Variants in ZNF398 observed in about 807,000 individuals in gnomAD.
The protein encoded by ZNF398 is zinc finger DNA binding protein ZER6.
ZNF398 carries 18 observed loss-of-function variants against 41.9 expected under a neutral mutation model. The ratio of observed to expected loss-of-function variants is 0.43; its 90% confidence interval spans 0.30 to 0.64. The LOEUF (loss-of-function observed/expected upper bound fraction) is 0.64, where lower values mean the gene tolerates loss of function less well. ZNF398 is among the 30% of genes least tolerant of loss of function. ZNF398 has a pLI of 0.14. For synonymous variants in ZNF398, 260 were observed against 308.8 expected (o/e 0.84, Z 1.66); for missense variants, 669 against 822.8 (o/e 0.81, Z 2.29).
Position 149,154,027 on chromosome 7 carries a change from T to G in ZNF398, c.107T>G (p.Leu36Arg), listed in dbSNP as rs762927049. The G allele has an allele frequency of 1.4e-5, 22 of 1,614,042 alleles. No individual in the cohort carries two copies. Among genetic ancestry groups the G allele is most frequent in the Non-Finnish European group, 1.8e-5 (21 of 1,180,034 alleles). ...PTPPAANEAH[L>R]QTAAISLWTV... is the part of the protein sequence containing the mutation. ...CCCCCAGCAGCAAATGAGGCACACC[T>G]GCAGACAGCAGCTATCTCTCTGTGG... is the stretch of plus-strand genomic sequence containing the variant. Residue 36 changes from leucine to arginine, a missense_variant, in exon 2 of 6, where the codon CTG (leucine) becomes CGG (arginine). Transcript: ENST00000475153.
At chr7:149,128,117 G>T (rs1027000727) in intron 1 of ZNF398, among the ~76,000 whole-genome samples, 1 of 152,170 alleles carries the variant, frequency 6.6e-6, no homozygotes, top group Non-Finnish European at 1.5e-5. Context: ...GAGTGAGGAA[G>T]GCCAAGGTAC....
chr7:149,166,426 T>G lies in ZNF398; in HGVS notation c.547+142T>G, dbSNP rs1484537160. On this transcript the variant is annotated intron_variant, in intron 3 of 5. Coordinates refer to ENST00000475153, the MANE Select transcript of ZNF398 (RefSeq NM_170686.3). ...GGTTTCAAGCCAAAATATGACCAAT[T>G]AATGCTTGCTAACTAGGAATCATAA... 6 of 956,690 alleles carry G rather than the reference T, an allele frequency of 6.3e-6. No individual in the cohort carries two copies. The Admixed American group carries it at 1.7e-4, about 27-fold the overall frequency. 59.3% of individuals were successfully genotyped at this position (956,690 alleles called of 1,614,324 possible).
chr7:149,162,242 C>T (rs145396597), intron 2 of ZNF398, among the ~76,000 whole-genome samples: 6,794 of 151,740 alleles, frequency 0.045, 224 homozygotes, highest in Non-Finnish European at 0.068. Flanking sequence ...AGTGCAGTGG[C>T]GCAGTCTCGG....
In ZNF398 at chr7:149,179,211, A is replaced by C; in HGVS notation, c.1339A>C (p.Arg447=). Reference sequence around the variant, plus strand: ...CCAGGCTCGACTCACCAGCCACCGGAGAGCTCATGCAAGCGAAAGGCCCTT... The same window carrying C: ...CCAGGCTCGACTCACCAGCCACCGGCGAGCTCATGCAAGCGAAAGGCCCTT... The part of the protein sequence containing the change: ...ADQARLTSHR[R]AHASERPFRC... The change falls in exon 6 of 6, where the codon AGA becomes CGA. Residue 447 remains arginine, a synonymous_variant. Coordinates refer to ENST00000475153, the MANE Select transcript of ZNF398 (RefSeq NM_170686.3). This position sits in a 1 kb window ranked among gnomAD's most constrained non-coding sequence, Gnocchi z 6.1. The C allele has an allele frequency of 6.2e-7, 1 of 1,612,984 alleles. No homozygotes were observed. The highest frequency in any genetic ancestry group is 1.1e-5 in the South Asian group (1 of 91,024).
chr7:149,180,558 T>TA lies in ZNF398; in HGVS notation c.*764dup, dbSNP rs1395412139. ...CAGAAATCTTTGCCAAGGTCCTGGT[T>TA]AAAAAAATTGGAAACGGTTTTCTTA... On this transcript the variant is annotated 3_prime_UTR_variant, in exon 6 of 6. Transcript: ENST00000475153. 7.9e-5 allele frequency: 12 copies of TA among 152,326 alleles called. No homozygotes were observed. In the East Asian group the frequency reaches 2.3e-3, roughly 29 times the overall value. 9.4% of individuals were successfully genotyped at this position (152,326 alleles called of 1,614,324 possible).
rs569848208 is a variant in ZNF398, at chr7:149,182,155, C to G, written c.*2354C>G. 1.3e-5 allele frequency: 2 copies of G among 152,248 alleles called. No homozygotes were observed. The highest frequency in any genetic ancestry group is 6.5e-5 in the Admixed American group (1 of 15,288). The allele number at this position is 152,248 out of a possible 1,614,324, so 9.4% of individuals were successfully genotyped here. A position where few individuals can be genotyped will look rare whatever the true frequency, so the allele number is the denominator to read the frequency against. ...AATGGCTGCAGATAGATCCCGCAGTCCCTTCTGAAAGGAACTGTGTAGCCA... is the reference window on the plus strand; with the variant it reads ...AATGGCTGCAGATAGATCCCGCAGTGCCTTCTGAAAGGAACTGTGTAGCCA... On this transcript the variant is annotated 3_prime_UTR_variant, in exon 6 of 6. Coordinates refer to ENST00000475153, the MANE Select transcript of ZNF398 (RefSeq NM_170686.3).
At chr7:149,169,968 C>T (rs1795298025) in intron 4 of ZNF398, among the ~76,000 whole-genome samples, 1 of 152,126 alleles carries the variant, frequency 6.6e-6, no homozygotes, top group Non-Finnish European at 1.5e-5. Context: ...TTCCCAGAGT[C>T]CTCTCCCAGT....
chr7:149,156,276 G>A (rs1019227113), intron 2 of ZNF398, among the ~76,000 whole-genome samples: 1 of 151,744 alleles, frequency 6.6e-6, no homozygotes, highest in Non-Finnish European at 1.5e-5. Context: ...GGAGGTTGAG[G>A]CGGGCGGATC....
chr7:149,161,237 A>G (rs1795099924), intron 2 of ZNF398, among the ~76,000 whole-genome samples: 1 of 152,114 alleles, frequency 6.6e-6, no homozygotes, highest in South Asian at 2.1e-4. Context: ...CCTGACTTCC[A>G]AAAAATATTG....
chr7:149,177,210 T>G (rs767852899), intron 5 of ZNF398, among the ~76,000 whole-genome samples: 2 of 152,138 alleles, frequency 1.3e-5, no homozygotes, highest in Non-Finnish European at 2.9e-5. Flanking sequence ...AAAAAACTTA[T>G]GCTAGGGACA....
intron 1 of ZNF398, among the ~76,000 whole-genome samples, chr7:149,152,192 C>A (rs1026184132): frequency 1.3e-5 from 2 of 151,080 alleles, no homozygotes; most frequent in African/African-American, 4.9e-5. Flanking sequence ...CCAGCCTGGG[C>A]GACAGAGCGA....
intron 2 of ZNF398, among the ~76,000 whole-genome samples, chr7:149,154,882 G>A (rs554241170): frequency 2.0e-5 from 3 of 151,866 alleles, no homozygotes; most frequent in African/African-American, 7.2e-5. Flanking sequence ...CTAGCCACTC[G>A]GGAGGCTGAG....
At chr7:149,153,819 G>T in intron 1 of ZNF398, 126 bp from the exon 2 acceptor site, 1 of 1,131,760 alleles carries the variant, frequency 8.8e-7, no homozygotes, top group South Asian at 1.7e-5. Context: ...GCATACGCAG[G>T]CAGTACTAGA....
At chr7:149,158,231 T>C (rs1294165654) in intron 2 of ZNF398, among the ~76,000 whole-genome samples, 1 of 152,202 alleles carries the variant, frequency 6.6e-6, no homozygotes, top group Non-Finnish European at 1.5e-5. Flanking sequence ...AATATGTTAC[T>C]GGGAGGTTTA....
chr7:149,129,221 A>C (rs1013900814), intron 2 of ZNF398, among the ~76,000 whole-genome samples: 9 of 152,106 alleles, frequency 5.9e-5, no homozygotes, highest in Non-Finnish European at 1.2e-4. Flanking sequence ...CTAAGCGGTT[A>C]TATAGGGTTA....
At chr7:149,142,441 G>A (rs1484293145) in intron 2 of ZNF398, among the ~76,000 whole-genome samples, 2 of 152,196 alleles carry the variant, frequency 1.3e-5, no homozygotes, top group African/African-American at 4.8e-5. Context: ...GCCGAGGCGG[G>A]CGGATCACGA....
At chr7:149,163,563 G>A (rs967410727) in intron 2 of ZNF398, among the ~76,000 whole-genome samples, 1 of 151,922 alleles carries the variant, frequency 6.6e-6, no homozygotes, top group African/African-American at 2.4e-5. Flanking sequence ...TAGTAGAGAC[G>A]GGGTTTCTCC....
intron 4 of ZNF398, among the ~76,000 whole-genome samples, chr7:149,170,988 C>T (rs6952015): frequency 0.55 from 81,254 of 147,552 alleles, 25,366 homozygotes; most frequent in East Asian, 0.9. Context: ...GGACTGCAGG[C>T]ACGTGCCACC....
chr7:149,172,457 T>A (rs1035966680), intron 4 of ZNF398, among the ~76,000 whole-genome samples: 6 of 150,412 alleles, frequency 4.0e-5, no homozygotes, highest in African/African-American at 1.5e-4. Flanking sequence ...GCTCCCCCCC[T>A]TTTTAAAAAT....
Sources: allele counts gnomAD v4.1 joint callset (sites outside exome capture counted in the v4.1 genomes callset), GRCh38; gene constraint gnomAD v4.1.1; non-coding constraint Gnocchi (gnomAD v3.1); transcripts MANE v1.5; gene names NCBI Gene and HGNC (gene_info 2026-07-23, HGNC 2026-07-21).